The following XKR4 variants were observed in gnomAD, a reference collection of about 807,000 sequenced individuals.
XKR4 encodes the protein XK-related protein 4.
In XKR4, 12 loss-of-function variants were observed where a neutral mutation model predicts 53.9. The ratio of observed to expected loss-of-function variants is 0.22; its 90% CI spans 0.14 to 0.36. XKR4 has a LOEUF of 0.36. Among genes scored for constraint, XKR4 ranks in the 10% least tolerant of loss-of-function variants. The pLI, the probability that XKR4 is intolerant of heterozygous loss-of-function variation, is 1.00. For synonymous variants in XKR4, 354 were observed against 362.4 expected, an observed-to-expected ratio of 0.98 and a Z score of 0.26; for missense variants, 799 against 859.5, an observed-to-expected ratio of 0.93 and a Z score of 0.88.
chr8:55,451,753 C>A (rs1023564012), intron 2 of XKR4: 5 of 1,147,162 alleles, frequency 4.4e-6, no homozygotes, highest in Non-Finnish European at 6.5e-6. Context: ...CTTGGCCCGG[C>A]TCAGGCGGCT....
intron 1 of XKR4, among the ~76,000 whole-genome samples, chr8:55,282,935 T>A (rs1585985406): frequency 6.6e-6 from 1 of 152,226 alleles, no homozygotes; most frequent in South Asian, 2.1e-4. Context: ...TACCATTTTT[T>A]AATCTTTTAT....
chr8:55,208,699 C>T (rs972853784), intron 1 of XKR4, among the ~76,000 whole-genome samples: 3 of 151,884 alleles, frequency 2.0e-5, no homozygotes, highest in Non-Finnish European at 4.4e-5. Context: ...ACTCCTGACT[C>T]TGTGATCTGC....
intron 2 of XKR4, among the ~76,000 whole-genome samples, chr8:55,399,575 A>G (rs1804569407): frequency 6.6e-6 from 1 of 152,232 alleles, no homozygotes; most frequent in Non-Finnish European, 1.5e-5. Context: ...GAAATGCACT[A>G]GAAACCCTGG....
intron 1 of XKR4, among the ~76,000 whole-genome samples, chr8:55,162,498 C>T (rs1207870713): frequency 2.6e-5 from 4 of 152,142 alleles, no homozygotes; most frequent in African/African-American, 9.7e-5. Context: ...ATAATATCTT[C>T]TTTATAAAAG....
intron 1 of XKR4, among the ~76,000 whole-genome samples, chr8:55,190,202 G>A (rs537433833): frequency 5.3e-5 from 8 of 152,252 alleles, no homozygotes; most frequent in African/African-American, 1.9e-4. Context: ...AGCAGAAGTG[G>A]GGCTGGAATG....
rs1807040411 is a variant in XKR4, at chr8:55,537,031, A to G, written c.*12804A>G. On this transcript the variant is annotated 3_prime_UTR_variant, in exon 3 of 3. Transcript: ENST00000327381. ...ATTTTTTAAGCCTAAAAACCATTCAAATTGCTTGACAAAATTATTTCATGG... is the reference window on the plus strand; with the variant it reads ...ATTTTTTAAGCCTAAAAACCATTCAGATTGCTTGACAAAATTATTTCATGG... 1 of 152,248 alleles carries G rather than the reference A, an allele frequency of 6.6e-6. No homozygotes were observed. Among genetic ancestry groups the G allele is most frequent in the African/African-American group, 2.4e-5 (1 of 41,468 alleles). The allele number at this position is 152,248 out of a possible 1,614,324, so 9.4% of individuals were successfully genotyped here.
At chr8:55,514,385 T>C (rs1231793660) in intron 2 of XKR4, among the ~76,000 whole-genome samples, 1 of 151,644 alleles carries the variant, frequency 6.6e-6, no homozygotes, top group East Asian at 1.9e-4. Context: ...GCCTCCCGAG[T>C]AGCTGGGATT....
chr8:55,166,746 A>C (rs1817070724), intron 1 of XKR4, among the ~76,000 whole-genome samples: 1 of 152,182 alleles, frequency 6.6e-6, no homozygotes, highest in African/African-American at 2.4e-5. Context: ...ATAACATCGC[A>C]TGTTCAAGGG....
chr8:55,382,862 G>A (rs1804255656), intron 2 of XKR4, among the ~76,000 whole-genome samples: 1 of 152,112 alleles, frequency 6.6e-6, no homozygotes, highest in Non-Finnish European at 1.5e-5. Context: ...AGTCCAATGT[G>A]TAGATATCTA....
At position 55,328,816 on chromosome 8, in the gene XKR4, G is replaced by A. The variant is rs548111958; in HGVS notation, c.807-28862G>A. Among the ~76,000 whole-genome samples, 4 of 152,066 alleles carry A rather than the reference G, an allele frequency of 2.6e-5. No individual in the cohort carries two copies. In the East Asian group the frequency reaches 5.8e-4, roughly 22 times the overall value. On this transcript the variant is annotated intron_variant, in intron 1 of 2. Coordinates refer to ENST00000327381, the MANE Select transcript of XKR4 (RefSeq NM_052898.2). Reference sequence around the variant, plus strand: ...CAGGGTTGGCAGTGCCATTTCTTTCGGATCTCAGCTTTACTACCCCCTCCT... The same window carrying A: ...CAGGGTTGGCAGTGCCATTTCTTTCAGATCTCAGCTTTACTACCCCCTCCT...
At chr8:55,308,971 A>G (rs1819351026) in intron 1 of XKR4, among the ~76,000 whole-genome samples, 2 of 152,228 alleles carry the variant, frequency 1.3e-5, no homozygotes, top group African/African-American at 4.8e-5. Context: ...TTGCAAGTTC[A>G]GAAAAGGCCT....
At chr8:55,455,969 T>C (rs1012043050) in intron 2 of XKR4, among the ~76,000 whole-genome samples, 1 of 152,376 alleles carries the variant, frequency 6.6e-6, no homozygotes, top group East Asian at 1.9e-4. Flanking sequence ...TTTAAATCTA[T>C]GGAAATTACT....
intron 2 of XKR4, among the ~76,000 whole-genome samples, chr8:55,406,686 T>A (rs1804689181): frequency 6.6e-6 from 1 of 152,254 alleles, no homozygotes; most frequent in Non-Finnish European, 1.5e-5. Context: ...GAGCCTCATT[T>A]GCCCTAGCTA....
intron 1 of XKR4, among the ~76,000 whole-genome samples, chr8:55,263,299 C>T (rs1319641835): frequency 6.6e-6 from 1 of 152,178 alleles, no homozygotes; most frequent in Non-Finnish European, 1.5e-5. Context: ...CCACCGTGGC[C>T]GTTGTTGCCA....
chr8:55,529,999 C>T lies in XKR4; in HGVS notation c.*5772C>T, dbSNP rs1413566494. 1 of 152,024 alleles carries T rather than the reference C, an allele frequency of 6.6e-6. No homozygotes were observed. The highest frequency in any genetic ancestry group is 1.5e-5 in the Non-Finnish European group (1 of 68,010). 9.4% of individuals were successfully genotyped at this position (152,024 alleles called of 1,614,324 possible). Reference sequence around the variant, plus strand: ...TGATAAATATAAATTAACCTGATGCCATGTCTCTTGTATTTTATATGTGTA... The same window carrying T: ...TGATAAATATAAATTAACCTGATGCTATGTCTCTTGTATTTTATATGTGTA... On this transcript the variant is annotated 3_prime_UTR_variant, in exon 3 of 3. Transcript: ENST00000327381.
intron 1 of XKR4, among the ~76,000 whole-genome samples, chr8:55,356,443 G>A (rs775044188): frequency 2.6e-5 from 4 of 152,166 alleles, no homozygotes; most frequent in East Asian, 3.9e-4. Context: ...GGACATGGAA[G>A]GATAATCCAT....
chr8:55,432,137 G>A (rs770802818), intron 2 of XKR4, among the ~76,000 whole-genome samples: 24 of 152,296 alleles, frequency 1.6e-4, no homozygotes, highest in Non-Finnish European at 2.9e-4. Context: ...TGCAATCTGA[G>A]CATTGGCTTG....
intron 2 of XKR4, among the ~76,000 whole-genome samples, chr8:55,462,503 C>G (rs1407097682): frequency 6.6e-6 from 1 of 152,150 alleles, no homozygotes; most frequent in Non-Finnish European, 1.5e-5. Context: ...ACAACCGGTA[C>G]CAGCCACTGC....
intron 1 of XKR4, among the ~76,000 whole-genome samples, chr8:55,321,657 C>G (rs2129379489): frequency 6.6e-6 from 1 of 152,300 alleles, no homozygotes; most frequent in East Asian, 1.9e-4. Context: ...TGAAGGGCAT[C>G]TAGCATTCAG....
Sources: allele counts gnomAD v4.1 joint callset (sites outside exome capture counted in the v4.1 genomes callset), GRCh38; gene constraint gnomAD v4.1.1; transcripts MANE v1.5; gene names NCBI Gene and HGNC (gene_info 2026-07-23, HGNC 2026-07-21).